The following KALRN variants were observed in gnomAD, a reference collection of about 807,000 sequenced individuals.
The protein encoded by KALRN is kalirin RhoGEF kinase.
In KALRN, 70 loss-of-function variants were observed where a neutral mutation model predicts 353.7. The observed-to-expected ratio is 0.20, with a 90% CI of 0.16 to 0.24. KALRN has a LOEUF of 0.24. Among genes scored for constraint, KALRN ranks in the 10% least tolerant of loss-of-function variants. The pLI is 1.00. For synonymous variants in KALRN, 1,391 were observed against 1,434.8 expected, an observed-to-expected ratio of 0.97 and a Z score of 0.69; for missense variants, 2,791 against 3,756.7, an observed-to-expected ratio of 0.74 and a Z score of 6.72.
At chr3:124,267,678 G>A (rs1455019708) in intron 4 of KALRN, among the ~76,000 whole-genome samples, 1 of 152,216 alleles carries the variant, frequency 6.6e-6, no homozygotes, top group African/African-American at 2.4e-5. Flanking sequence ...CTTCCTCTTA[G>A]GAGAGGGGTG....
chr3:124,506,672 G>A (rs1395744419), intron 33 of KALRN, among the ~76,000 whole-genome samples: 1 of 152,172 alleles, frequency 6.6e-6, no homozygotes, highest in East Asian at 1.9e-4. Context: ...TGAATGTTAT[G>A]AGGTGCTGGA....
At chr3:124,553,136 G>A (rs191673120) in intron 33 of KALRN, among the ~76,000 whole-genome samples, 1 of 152,324 alleles carries the variant, frequency 6.6e-6, no homozygotes, top group African/African-American at 2.4e-5. Flanking sequence ...TGCATGCCAA[G>A]TTATGATTAC....
intron 1 of KALRN, among the ~76,000 whole-genome samples, chr3:124,071,700 G>T (rs2060026827): frequency 6.6e-6 from 1 of 152,170 alleles, no homozygotes. Flanking sequence ...ATGATGAGGG[G>T]AGAAGCCCTC....
intron 1 of KALRN, among the ~76,000 whole-genome samples, chr3:124,197,677 C>G (rs748763235): frequency 1.3e-4 from 20 of 152,166 alleles, no homozygotes; most frequent in Non-Finnish European, 2.8e-4. Flanking sequence ...TTGCTCCAGC[C>G]CTTTAGCAGG....
At chr3:124,674,270 G>C in intron 48 of KALRN, 94 bp from the exon 49 acceptor site, 1 of 1,311,612 alleles carries the variant, frequency 7.6e-7, no homozygotes, top group Non-Finnish European at 1.0e-6. Context: ...GCTAGTGGGA[G>C]ATTTGGCCTT....
At position 124,430,767 on chromosome 3, in the gene KALRN, G is replaced by T; in HGVS notation, c.2821G>T (p.Ala941Ser). The T allele has an allele frequency of 6.2e-7, 1 of 1,613,778 alleles. No individual in the cohort carries two copies. Among genetic ancestry groups the T allele is most frequent in the Non-Finnish European group, 8.5e-7 (1 of 1,179,904 alleles). Residue 941 changes from alanine to serine, a missense_variant, in exon 16 of 60, where the codon GCC becomes TCC. This residue lies in a region of KALRN where 452 missense variants were observed against 575.8 expected (regional missense o/e 0.78). Transcript: ENST00000682506. The stretch of plus-strand genomic sequence containing the variant: ...GCGGGAGCACGAGCAGTTCCAACTG[G>T]CCATCGAGGTAACACCCAAATCTGG... ...LQREHEQFQL[A>S]IESLFHATSL... is the part of the protein sequence containing the mutation.
intron 25 of KALRN, among the ~76,000 whole-genome samples, chr3:124,466,128 G>A (rs2060326805): frequency 6.6e-6 from 1 of 151,614 alleles, no homozygotes. Context: ...ATTGAATGGG[G>A]AAATTCCCCA....
intron 1 of KALRN, among the ~76,000 whole-genome samples, chr3:124,063,307 A>G (rs9824345): frequency 0.89 from 134,879 of 152,260 alleles, 60,462 homozygotes; most frequent in East Asian, 1. Context: ...ACAGGAAAAG[A>G]AGCAGAGAAG....
intron 11 of KALRN, 105 bp downstream of exon 11, chr3:124,385,141 G>A (rs568093023): frequency 3.3e-6 from 3 of 912,806 alleles, no homozygotes; most frequent in Non-Finnish European, 4.8e-6. Flanking sequence ...GTAGTCTGGG[G>A]GTTACTAACT....
At chr3:124,224,940 A>T (rs73186282) in intron 1 of KALRN, among the ~76,000 whole-genome samples, 7,519 of 152,260 alleles carry the variant, frequency 0.049, 301 homozygotes, top group East Asian at 0.18. Flanking sequence ...TGTATAAGTC[A>T]TTTTAGGAAG....
intron 25 of KALRN, among the ~76,000 whole-genome samples, chr3:124,462,995 G>A (rs183838291): frequency 6.6e-6 from 1 of 152,260 alleles, no homozygotes; most frequent in Admixed American, 6.5e-5. Context: ...GTGATCTTTA[G>A]GTTTTGAATT....
chr3:124,362,105 G>A (rs551250940), intron 10 of KALRN, among the ~76,000 whole-genome samples: 1 of 152,234 alleles, frequency 6.6e-6, no homozygotes, highest in East Asian at 1.9e-4. Flanking sequence ...GAACATGTGG[G>A]TAGCTGAGGC....
chr3:124,398,400 G>A (rs1435825099), intron 12 of KALRN, among the ~76,000 whole-genome samples: 1 of 152,122 alleles, frequency 6.6e-6, no homozygotes, highest in Non-Finnish European at 1.5e-5. Context: ...ATGCCTTGTA[G>A]AGTCCTTTCT....
intron 6 of KALRN, among the ~76,000 whole-genome samples, chr3:124,318,872 G>A (rs1255465894): frequency 6.6e-6 from 1 of 152,164 alleles, no homozygotes; most frequent in Non-Finnish European, 1.5e-5. Context: ...TCGCTTGACT[G>A]ATATCACACA....
At chr3:124,483,168 C>T (rs1376879102) in intron 28 of KALRN, among the ~76,000 whole-genome samples, 1 of 152,244 alleles carries the variant, frequency 6.6e-6, no homozygotes, top group African/African-American at 2.4e-5. Flanking sequence ...CAATTGCCTT[C>T]TCAGGCACTG....
chr3:124,677,185 GAGA>G (rs2087288467), intron 49 of KALRN, among the ~76,000 whole-genome samples: 4 of 152,148 alleles, frequency 2.6e-5, no homozygotes, highest in African/African-American at 9.7e-5. Context: ...CTTTGACAAG[GAGA>G]TACTGAGGGG....
intron 52 of KALRN, 22 bp downstream of exon 52, chr3:124,693,853 T>C (rs751480268): frequency 5.2e-6 from 8 of 1,536,048 alleles, no homozygotes; most frequent in Middle Eastern, 1.7e-4. Context: ...AGCATTAGAA[T>C]TGGAAACATG....
intron 10 of KALRN, among the ~76,000 whole-genome samples, chr3:124,352,413 T>C (rs898242699): frequency 3.9e-5 from 6 of 152,202 alleles, no homozygotes; most frequent in African/African-American, 1.4e-4. Flanking sequence ...GGCCTCATTA[T>C]CTGAAATGCC....
At chr3:124,161,946 A>C (rs1249427583) in intron 1 of KALRN, among the ~76,000 whole-genome samples, 1 of 152,236 alleles carries the variant, frequency 6.6e-6, no homozygotes, top group Admixed American at 6.5e-5. Context: ...TCACAAAATA[A>C]AGTACTTACA....
Sources: allele counts gnomAD v4.1 joint callset (sites outside exome capture counted in the v4.1 genomes callset), GRCh38; gene constraint gnomAD v4.1.1; regional missense constraint gnomAD v4.1.1; transcripts MANE v1.5; gene names NCBI Gene and HGNC (gene_info 2026-07-23, HGNC 2026-07-21).